HTR2A: variants seen among roughly 807,000 people sequenced by gnomAD.
HTR2A encodes 5-hydroxytryptamine receptor 2A.
In HTR2A, 14 loss-of-function variants were observed where a neutral mutation model predicts 31.0. That is an observed-to-expected ratio of 0.45 (90% CI 0.30 to 0.71). The LOEUF (loss-of-function observed/expected upper bound fraction) is 0.71. Ranked by LOEUF, HTR2A falls within the 30% of genes least tolerant of loss-of-function variation. HTR2A has a pLI of 0.09. For synonymous variants in HTR2A, 209 were observed against 225.2 expected (o/e 0.93, Z 0.64); for missense variants, 442 against 573.3 (o/e 0.77, Z 2.34).
intron 3 of HTR2A, chr13:46,854,077 G>C (rs1950712479): frequency 6.6e-6 from 1 of 152,196 alleles, no homozygotes; most frequent in Non-Finnish European, 1.5e-5. Flanking sequence ...GTCATCGGTA[G>C]CATGGGTATT....
intron 2 of HTR2A, 41 bp from the exon 3 acceptor site, chr13:46,892,631 C>G: frequency 6.4e-7 from 1 of 1,558,296 alleles, no homozygotes; most frequent in Non-Finnish European, 8.8e-7. Flanking sequence ...AACCCTGTGC[C>G]TCCTGGAGCA....
intron 3 of HTR2A, among the ~76,000 whole-genome samples, chr13:46,868,027 C>A (rs551961240): frequency 7.2e-6 from 1 of 139,462 alleles, no homozygotes; most frequent in East Asian, 2.2e-4. Context: ...TGCAAAGAGA[C>A]AGTTAAGTAG....
chr13:46,897,093 A>C, upstream of HTR2A: 1 of 427,336 alleles, frequency 2.3e-6, no homozygotes, highest in South Asian at 3.3e-5. Flanking sequence ...CTCTATGTGT[A>C]TGTCATAAGC....
chr13:46,857,540 TC>T, intron 3 of HTR2A, among the ~76,000 whole-genome samples: 1 of 152,262 alleles, frequency 6.6e-6, no homozygotes, highest in Middle Eastern at 3.4e-3. Context: ...AGGACTCACC[TC>T]CAAATACATA....
intron 3 of HTR2A, among the ~76,000 whole-genome samples, chr13:46,841,074 C>T (rs952906461): frequency 1.3e-5 from 2 of 152,160 alleles, no homozygotes; most frequent in Admixed American, 1.3e-4. Context: ...CCTTCCCACG[C>T]TCTCTCTCAC....
At chr13:46,843,611 G>C (rs1218965483) in intron 3 of HTR2A, among the ~76,000 whole-genome samples, 2 of 152,132 alleles carry the variant, frequency 1.3e-5, no homozygotes, top group Admixed American at 1.3e-4. Flanking sequence ...GGGAGGTATG[G>C]TGGCTGTGCC....
intron 3 of HTR2A, chr13:46,854,279 T>G (rs1950714223): frequency 6.6e-6 from 1 of 152,170 alleles, no homozygotes; most frequent in Admixed American, 6.5e-5. Flanking sequence ...ATTTGAACAT[T>G]TTCAACTTGA....
In HTR2A at chr13:46,895,487, C is replaced by T. The variant is rs773341404; in HGVS notation, c.412+8G>A. On this transcript the variant is annotated splice_region_variant and intron_variant, in intron 2 of 3. Coordinates refer to ENST00000542664, the MANE Select transcript of HTR2A (RefSeq NM_000621.5). The surrounding 1 kb of genome is among the most constrained non-coding windows in gnomAD (Gnocchi z 4.4). ...TGCGAATATAGCTGGGAAACTAATG[C>T]CACTCACCATACAGGATGGTTAACA... is the stretch of plus-strand genomic sequence containing the variant. 13 of 1,610,232 alleles carry T rather than the reference C, an allele frequency of 8.1e-6. No individual in the cohort carries two copies. In the Admixed American group the frequency reaches 8.4e-5, roughly 10 times the overall value.
intron 3 of HTR2A, among the ~76,000 whole-genome samples, chr13:46,839,216 C>T (rs1950581539): frequency 6.6e-6 from 1 of 152,146 alleles, no homozygotes; most frequent in Non-Finnish European, 1.5e-5. Context: ...GCCTATTCAT[C>T]TTTACATATA....
At chr13:46,885,042 T>C (rs1382128050) in intron 3 of HTR2A, among the ~76,000 whole-genome samples, 2 of 152,118 alleles carry the variant, frequency 1.3e-5, no homozygotes, top group Admixed American at 6.5e-5. Flanking sequence ...CTAAACTTGA[T>C]ATAGACTGTT....
intron 3 of HTR2A, among the ~76,000 whole-genome samples, chr13:46,852,624 A>G (rs1205032425): frequency 1.3e-5 from 2 of 152,256 alleles, no homozygotes; most frequent in East Asian, 3.8e-4. Flanking sequence ...CATTGCATGC[A>G]GTATATTTCT....
At chr13:46,850,831 C>T (rs904670034) in intron 3 of HTR2A, among the ~76,000 whole-genome samples, 1 of 152,202 alleles carries the variant, frequency 6.6e-6, no homozygotes, top group Admixed American at 6.5e-5. Flanking sequence ...TACTGCAAGT[C>T]TTTAATGCAC....
intron 3 of HTR2A, among the ~76,000 whole-genome samples, chr13:46,839,632 T>TTAA (rs1370101049): frequency 2.0e-5 from 3 of 152,210 alleles, no homozygotes; most frequent in East Asian, 3.8e-4. Context: ...TGCATTTTGT[T>TTAA]TAATATATTT....
chr13:46,857,558 T>C (rs80006487), intron 3 of HTR2A, among the ~76,000 whole-genome samples: 1,706 of 152,222 alleles, frequency 0.011, 36 homozygotes, highest in African/African-American at 0.039. Context: ...CATAATCACA[T>C]TGATGATTAC....
At chr13:46,835,738 T>A in intron 3 of HTR2A, 99 bp from the exon 4 acceptor site, 2 of 868,968 alleles carry the variant, frequency 2.3e-6, no homozygotes, top group Non-Finnish European at 3.5e-6. Context: ...AGATTTTATA[T>A]CATCGTTTAA....
intron 3 of HTR2A, among the ~76,000 whole-genome samples, chr13:46,883,218 G>A (rs1388907659): frequency 6.6e-6 from 1 of 151,582 alleles, no homozygotes; most frequent in African/African-American, 2.4e-5. Flanking sequence ...CACTGTCTAG[G>A]AAGGCAGCTA....
rs1307418905 is a variant in HTR2A at position 46,895,893 on chromosome 13, C to T, written c.14G>A (p.Cys5Tyr). 6.2e-7 allele frequency: 1 copy of T among 1,610,054 alleles called. No individual in the cohort carries two copies. Among genetic ancestry groups the T allele is most frequent in the Non-Finnish European group, 8.5e-7 (1 of 1,177,898 alleles). Residue 5 changes from cysteine (C) to tyrosine (Y), a missense_variant, in exon 2 of 4, where the codon TGT (cysteine) becomes TAT (tyrosine). Transcript: ENST00000542664. The surrounding 1 kb of genome is among the most constrained non-coding windows in gnomAD (Gnocchi z 4.4). MDIL[C>Y]EENTSLSSTT... is the part of the protein sequence containing the mutation. Reference sequence around the variant, plus strand: ...TGAGCTCAAAGAAGTATTTTCTTCACAAAGAATATCCATGTCTAAGCCAGA... The same window carrying T: ...TGAGCTCAAAGAAGTATTTTCTTCATAAAGAATATCCATGTCTAAGCCAGA...
intron 3 of HTR2A, among the ~76,000 whole-genome samples, chr13:46,841,840 C>T (rs965579330): frequency 6.6e-6 from 1 of 152,164 alleles, no homozygotes; most frequent in East Asian, 1.9e-4. Context: ...CCATCCACAT[C>T]TCTCTTGTCT....
At chr13:46,865,211 TTTA>T (rs1950809891) in intron 3 of HTR2A, among the ~76,000 whole-genome samples, 2 of 152,194 alleles carry the variant, frequency 1.3e-5, no homozygotes, top group Non-Finnish European at 2.9e-5. Flanking sequence ...GCAGCTTTAA[TTTA>T]AATTAGAGGA....
Sources: gnomAD v4.1 joint callset for allele counts (sites outside exome capture counted in the v4.1 genomes callset) on GRCh38, gnomAD v4.1.1 for gene constraint, Gnocchi (gnomAD v3.1) non-coding constraint, MANE v1.5 for transcripts, NCBI Gene and HGNC (gene_info 2026-07-23, HGNC 2026-07-21) for gene names.